Variants in PCDH15 observed in about 807,000 individuals in gnomAD.
PCDH15 encodes the protein protocadherin related 15.
Under a neutral mutation model 178.5 loss-of-function variants are expected in PCDH15, and 129 were observed. The ratio of observed to expected loss-of-function variants is 0.72; its 90% CI spans 0.63 to 0.84. PCDH15 has a LOEUF of 0.84. Ranked by LOEUF, PCDH15 falls within the 40% of genes least tolerant of loss-of-function variation. PCDH15 has a pLI of 0.00. For synonymous variants in PCDH15, 800 were observed against 732.0 expected, an observed-to-expected ratio of 1.09 and a Z score of -1.50; for missense variants, 2,230 against 2,099.9, an observed-to-expected ratio of 1.06 and a Z score of -1.21.
intron 1 of PCDH15, among the ~76,000 whole-genome samples, chr10:54,682,207 T>C (rs1186809230): frequency 6.6e-6 from 1 of 152,162 alleles, no homozygotes; most frequent in Non-Finnish European, 1.5e-5. Context: ...TGTTTAGTTT[T>C]CTTTATAATA....
In PCDH15 at chr10:55,020,382, G is replaced by T. The variant is rs534229714; in HGVS notation, c.-79-122882C>A. ...TGGATAAATATAAAGTAATGAGAAT[G>T]CAAAAAAAAAAAGAAGACTTGATTT... On this transcript the variant is annotated intron_variant, in intron 2 of 5. Coordinates refer to the PCDH15 transcript ENST00000458638. Among the ~76,000 whole-genome samples, 21 of 146,482 alleles carry T rather than the reference G, an allele frequency of 1.4e-4. No individual in the cohort carries two copies. In the East Asian group the frequency reaches 3.7e-3, roughly 26 times the overall value.
intron 8 of PCDH15, among the ~76,000 whole-genome samples, chr10:54,312,518 A>G (rs2133529004): frequency 6.6e-6 from 1 of 152,158 alleles, no homozygotes; most frequent in African/African-American, 2.4e-5. Flanking sequence ...TTCAAATTCC[A>G]TAGCTAATTT....
intron 26 of PCDH15, 33 bp downstream of exon 26, chr10:53,903,210 T>C: frequency 6.2e-7 from 1 of 1,610,114 alleles, no homozygotes; most frequent in African/African-American, 1.3e-5. Flanking sequence ...GAGCTTTTAC[T>C]TTAGTTCTGT....
chr10:53,948,135 A>ATGCTC, intron 23 of PCDH15, among the ~76,000 whole-genome samples: 1 of 152,090 alleles, frequency 6.6e-6, no homozygotes, highest in Non-Finnish European at 1.5e-5. Context: ...TGGACTTACA[A>ATGCTC]CGGGGTTAGG....
At chr10:54,520,777 C>A (rs975707400) in intron 3 of PCDH15, among the ~76,000 whole-genome samples, 1 of 149,994 alleles carries the variant, frequency 6.7e-6, no homozygotes, top group African/African-American at 2.5e-5. Flanking sequence ...ATGTTTATTG[C>A]GGCATTATTC....
chr10:54,447,379 T>C (rs928695345), intron 3 of PCDH15, among the ~76,000 whole-genome samples: 4 of 151,474 alleles, frequency 2.6e-5, no homozygotes, highest in African/African-American at 7.3e-5. Context: ...TTGACCAACA[T>C]CTCCGCAATT....
chr10:55,584,506 A>AGTGT lies in PCDH15; in HGVS notation c.-156+43118_-156+43119insACAC, dbSNP rs1181847522. Among the ~76,000 whole-genome samples the AGTGT allele has an allele frequency of 1.4e-4, 22 of 151,824 alleles. 1 individual carries two copies. Among genetic ancestry groups the AGTGT allele is most frequent in the African/African-American group, 5.1e-4 (21 of 41,414 alleles). On this transcript the variant is annotated intron_variant, in intron 2 of 5. Coordinates refer to the PCDH15 transcript ENST00000613346. ...ACCCCTTGTCTACTAAGAATACACA[A>AGTGT]ATTAGCTAGGCGTGGTGGTGGGTGC...
intron 2 of PCDH15, among the ~76,000 whole-genome samples, chr10:55,449,421 A>T (rs1839385604): frequency 1.3e-5 from 2 of 152,248 alleles, no homozygotes; most frequent in South Asian, 4.1e-4. Flanking sequence ...GCAATAAAAT[A>T]CAAAGAGTAC....
intron 8 of PCDH15, among the ~76,000 whole-genome samples, chr10:54,247,477 A>G (rs1195744393): frequency 6.6e-6 from 1 of 151,906 alleles, no homozygotes; most frequent in African/African-American, 2.4e-5. Flanking sequence ...GAATTTCTGT[A>G]GGACATCTAA....
intron 1 of PCDH15, among the ~76,000 whole-genome samples, chr10:54,719,780 T>C (rs1348295067): frequency 4.6e-5 from 7 of 152,054 alleles, no homozygotes; most frequent in Admixed American, 3.9e-4. Context: ...ATCCAGTGTT[T>C]GGTTTTTTGT....
At chr10:55,057,464 C>T (rs1362573255) in intron 2 of PCDH15, among the ~76,000 whole-genome samples, 3 of 151,990 alleles carry the variant, frequency 2.0e-5, no homozygotes, top group Non-Finnish European at 4.4e-5. Flanking sequence ...TTATGTTTCT[C>T]GGAAATTTGT....
intron 2 of PCDH15, among the ~76,000 whole-genome samples, chr10:55,005,841 A>G (rs558468091): frequency 6.6e-6 from 1 of 152,116 alleles, no homozygotes; most frequent in African/African-American, 2.4e-5. Context: ...GTTACCCTGA[A>G]GCAAAAACAA....
chr10:54,618,036 A>G (rs767589039), intron 2 of PCDH15, among the ~76,000 whole-genome samples: 5 of 152,066 alleles, frequency 3.3e-5, no homozygotes, highest in Non-Finnish European at 7.4e-5. Context: ...CTTTGTTTTC[A>G]AGATATATTA....
In PCDH15 at chr10:55,484,107, G is replaced by C. The variant is rs1010535896; in HGVS notation, c.-156+143518C>G. On this transcript the variant is annotated intron_variant, in intron 2 of 5. Transcript: ENST00000613346. ...CTACATGATGAGACACATGGACACT[G>C]AGAGGGGAACAACACACGCTGGGGC... is the stretch of plus-strand genomic sequence containing the variant. Among the ~76,000 whole-genome samples the C allele has an allele frequency of 2.6e-5, 4 of 151,622 alleles. No individual in the cohort carries two copies. In the South Asian group the frequency reaches 6.2e-4, roughly 24 times the overall value.
chr10:55,413,314 C>T (rs140471400), intron 2 of PCDH15, among the ~76,000 whole-genome samples: 1 of 151,404 alleles, frequency 6.6e-6, no homozygotes, highest in Non-Finnish European at 1.5e-5. Flanking sequence ...AAAGATTCCT[C>T]TTTTCATGGA....
At chr10:54,564,128 T>TC (rs35203623) in intron 2 of PCDH15, among the ~76,000 whole-genome samples, 17,455 of 151,762 alleles carry the variant, frequency 0.12, 1,104 homozygotes, top group Non-Finnish European at 0.13. Flanking sequence ...TCCTTGTTTT[T>TC]CCCCCCCACA....
At chr10:55,111,703 C>T (rs181871234) in intron 2 of PCDH15, among the ~76,000 whole-genome samples, 2 of 151,924 alleles carry the variant, frequency 1.3e-5, no homozygotes, top group African/African-American at 2.4e-5. Context: ...ATTAGCCAGG[C>T]GTGGTGGTGC....
chr10:54,703,745 A>G (rs1591160754), intron 1 of PCDH15, among the ~76,000 whole-genome samples: 2 of 152,164 alleles, frequency 1.3e-5, no homozygotes, highest in Middle Eastern at 6.8e-3. Flanking sequence ...AACGGGAAAA[A>G]CATTCCATAC....
chr10:55,490,798 A>G (rs1272019248), intron 2 of PCDH15, among the ~76,000 whole-genome samples: 1 of 151,800 alleles, frequency 6.6e-6, no homozygotes, highest in East Asian at 2.0e-4. Flanking sequence ...AAGAAGGTCA[A>G]TAAAGCTTAA....
Sources: allele counts gnomAD v4.1 joint callset (sites outside exome capture counted in the v4.1 genomes callset), GRCh38; gene constraint gnomAD v4.1.1; transcripts MANE v1.5; gene names NCBI Gene and HGNC (gene_info 2026-07-23, HGNC 2026-07-21).